ADCY9: variants seen among roughly 807,000 people sequenced by gnomAD.
ADCY9 encodes the protein adenylate cyclase type 9.
Under a neutral mutation model 101.5 loss-of-function variants are expected in ADCY9, and 50 were observed. That is an observed-to-expected ratio of 0.49 (90% CI 0.39 to 0.62). The LOEUF (loss-of-function observed/expected upper bound fraction) is 0.62. ADCY9 is among the 20% of genes least tolerant of loss of function. ADCY9 has a pLI of 0.00. For missense variants in ADCY9, 1,662 were observed against 1,800.4 expected (o/e 0.92, Z 1.39); for synonymous variants, 905 against 769.3 (o/e 1.18, Z -2.92).
At chr16:4,000,745 G>A (rs1346087270) in intron 3 of ADCY9, among the ~76,000 whole-genome samples, 1 of 151,946 alleles carries the variant, frequency 6.6e-6, no homozygotes, top group African/African-American at 2.4e-5. Flanking sequence ...GGACCACTGG[G>A]CTCAATAACC....
chr16:3,991,703 G>C lies in ADCY9; in HGVS notation c.2207+443C>G, dbSNP rs909928729. On this transcript the variant is annotated intron_variant, in intron 5 of 10. Transcript: ENST00000294016. The stretch of plus-strand genomic sequence containing the variant: ...TTGAACCTGGGAGGTGGAGGTTGCA[G>C]TGAGCCGAGATTGAGCCACTGCACT... 2.0e-5 allele frequency among the ~76,000 whole-genome samples: 3 copies of C among 148,630 alleles called. No homozygotes were observed. The East Asian group carries it at 6.0e-4, about 30-fold the overall frequency.
chr16:4,023,688 G>A (rs777051981), intron 2 of ADCY9, among the ~76,000 whole-genome samples: 5 of 152,146 alleles, frequency 3.3e-5, no homozygotes, highest in Non-Finnish European at 5.9e-5. Context: ...CGAGGTAGGC[G>A]GATCACTTGA....
chr16:3,969,899 A>G (rs1164319352), intron 10 of ADCY9, among the ~76,000 whole-genome samples: 1 of 151,614 alleles, frequency 6.6e-6, no homozygotes, highest in Non-Finnish European at 1.5e-5. Flanking sequence ...ATTTTTTCCC[A>G]TTTAAAAATA....
intron 2 of ADCY9, among the ~76,000 whole-genome samples, chr16:4,045,767 T>G (rs2056658902): frequency 6.6e-6 from 1 of 151,636 alleles, no homozygotes; most frequent in South Asian, 2.1e-4. Context: ...GGCGCGATCT[T>G]GGCTCACTGC....
chr16:4,050,979 G>A (rs1265113501), intron 2 of ADCY9, among the ~76,000 whole-genome samples: 1 of 152,052 alleles, frequency 6.6e-6, no homozygotes, highest in Non-Finnish European at 1.5e-5. Flanking sequence ...TTGGGAGGAC[G>A]AGGCAGGCAG....
intron 2 of ADCY9, among the ~76,000 whole-genome samples, chr16:4,078,335 G>A (rs2056880572): frequency 6.6e-6 from 1 of 152,150 alleles, no homozygotes; most frequent in Non-Finnish European, 1.5e-5. Flanking sequence ...GCCAAGGTGG[G>A]AGGATTGCTT....
chr16:4,030,203 C>T (rs950606291), intron 2 of ADCY9, among the ~76,000 whole-genome samples: 14 of 152,118 alleles, frequency 9.2e-5, no homozygotes, highest in East Asian at 1.9e-4. Context: ...CACCAGGATA[C>T]AGTACGTAAG....
chr16:3,971,997 C>T (rs963139370), intron 10 of ADCY9, among the ~76,000 whole-genome samples: 2 of 152,156 alleles, frequency 1.3e-5, no homozygotes, highest in African/African-American at 4.8e-5. Context: ...CAGAGCACAG[C>T]GTTTGCTTTC....
intron 2 of ADCY9, among the ~76,000 whole-genome samples, chr16:4,018,951 T>TTTGTGTGTGTGTGTG (rs1555509531): frequency 7.2e-6 from 1 of 138,834 alleles, no homozygotes; most frequent in African/African-American, 2.6e-5. Context: ...AGAATCGCAG[T>TTTGTGTGTGTGTGTG]TGTGTGTGTG....
chr16:3,956,503 T>TTTTTTTTTTTTTTTTTTTTA (rs55792938), intron 5 of ADCY9, among the ~76,000 whole-genome samples: 1 of 69,496 alleles, frequency 1.4e-5, no homozygotes, highest in Non-Finnish European at 3.9e-5. Flanking sequence ...TTTTTTTTTT[T>TTTTTTTTTTTTTTTTTTTTA]GGGGGGGGAT....
At chr16:4,062,462 T>C (rs2056778651) in intron 2 of ADCY9, among the ~76,000 whole-genome samples, 1 of 152,208 alleles carries the variant, frequency 6.6e-6, no homozygotes, top group African/African-American at 2.4e-5. Context: ...TTAAATTTTT[T>C]AGAAGTTCTA....
intron 2 of ADCY9, among the ~76,000 whole-genome samples, chr16:4,009,722 A>T (rs1213540815): frequency 1.3e-5 from 2 of 152,244 alleles, no homozygotes; most frequent in Non-Finnish European, 2.9e-5. Flanking sequence ...AGCCATCTTT[A>T]TACTAATTTC....
intron 2 of ADCY9, among the ~76,000 whole-genome samples, chr16:4,052,150 G>A (rs1198819884): frequency 2.2e-4 from 34 of 152,136 alleles, no homozygotes; most frequent in Admixed American, 2.2e-3. Context: ...AGCCCAAACC[G>A]AGGGACATTC....
chr16:4,021,586 C>T lies in ADCY9; in HGVS notation c.1694-14028G>A, dbSNP rs762234151. On this transcript the variant is annotated intron_variant, in intron 2 of 10. Coordinates refer to ENST00000294016, the MANE Select transcript of ADCY9 (RefSeq NM_001116.4). ...AGCTAGGAGAGTATCAGAGGCCAAA[C>T]GCCTGCCCCCTGCTTCTGGGCTCCA... 9.2e-5 allele frequency among the ~76,000 whole-genome samples: 14 copies of T among 152,206 alleles called. No homozygotes were observed. The South Asian group carries it at 1.2e-3, about 14-fold the overall frequency.
intron 2 of ADCY9, among the ~76,000 whole-genome samples, chr16:4,109,230 C>T (rs1463389115): frequency 2.0e-5 from 3 of 151,914 alleles, no homozygotes; most frequent in African/African-American, 7.3e-5. Flanking sequence ...TATTTGAAGG[C>T]CTGGTTTTTG....
At chr16:3,987,194 G>A (rs186678639) in intron 6 of ADCY9, among the ~76,000 whole-genome samples, 16 of 152,292 alleles carry the variant, frequency 1.1e-4, no homozygotes, top group East Asian at 1.9e-4. Context: ...GTGCCTCGCC[G>A]TGTGCTGGGA....
chr16:4,085,940 T>C (rs933288918), intron 2 of ADCY9, among the ~76,000 whole-genome samples: 2 of 151,870 alleles, frequency 1.3e-5, no homozygotes, highest in Admixed American at 1.3e-4. Flanking sequence ...GGACATCCAT[T>C]CATTTATTGC....
At chr16:4,073,632 G>A (rs2532021) in intron 2 of ADCY9, among the ~76,000 whole-genome samples, 98,256 of 152,046 alleles carry the variant, frequency 0.65, 33,891 homozygotes, top group East Asian at 0.9. Flanking sequence ...CTGACTGCAG[G>A]TGATCCACCT....
chr16:3,977,393 A>T, intron 9 of ADCY9, 89 bp downstream of exon 9: 1 of 1,470,908 alleles, frequency 6.8e-7, no homozygotes, highest in Non-Finnish European at 9.1e-7. Context: ...GGGGCGTGAG[A>T]AGCAATGTGC....
Sources: gnomAD v4.1 joint callset for allele counts (sites outside exome capture counted in the v4.1 genomes callset) on GRCh38, gnomAD v4.1.1 for gene constraint, MANE v1.5 for transcripts, NCBI Gene and HGNC (gene_info 2026-07-23, HGNC 2026-07-21) for gene names.